The following DOK6 variants were observed in gnomAD, a reference collection of about 807,000 sequenced individuals.
DOK6 encodes downstream of tyrosine kinase 6.
Under a neutral mutation model 44.0 loss-of-function variants are expected in DOK6, and 22 were observed. That is an observed-to-expected ratio of 0.50 (90% CI 0.36 to 0.71). The LOEUF is 0.71. Ranked by LOEUF, DOK6 falls within the 30% of genes least tolerant of loss-of-function variation. DOK6 has a pLI of 0.00. For synonymous variants in DOK6, 166 were observed against 145.5 expected (o/e 1.14, Z -1.01); for missense variants, 340 against 416.4 (o/e 0.82, Z 1.60).
chr18:69,466,813 G>A (rs1030418222), intron 1 of DOK6, among the ~76,000 whole-genome samples: 2 of 151,514 alleles, frequency 1.3e-5, no homozygotes, highest in African/African-American at 4.8e-5. Flanking sequence ...GAGGAAAGAA[G>A]GAAGGAAGAA....
At chr18:69,759,266 T>G (rs1979462358) in intron 7 of DOK6, among the ~76,000 whole-genome samples, 1 of 152,214 alleles carries the variant, frequency 6.6e-6, no homozygotes, top group African/African-American at 2.4e-5. Context: ...ACACTCAAAT[T>G]GCCTGAGTCA....
intron 3 of DOK6, among the ~76,000 whole-genome samples, chr18:69,627,485 G>T (rs1470594218): frequency 6.6e-6 from 1 of 151,786 alleles, no homozygotes; most frequent in Non-Finnish European, 1.5e-5. Flanking sequence ...GTCTCGCTTT[G>T]TCCCCCAGGC....
In DOK6 at chr18:69,766,412, A is replaced by G. The variant is rs1979719014; in HGVS notation, c.856+8539A>G. ...TCTAAAAGAAAAGTCGAAATTGTTT[A>G]TTTAAAAAAGAAAATCAATGTACAA... On this transcript the variant is annotated intron_variant, in intron 7 of 7. Coordinates refer to ENST00000382713, the MANE Select transcript of DOK6 (RefSeq NM_152721.6). Among the ~76,000 whole-genome samples the G allele has an allele frequency of 2.0e-5, 3 of 152,324 alleles. No homozygotes were observed. The South Asian group carries it at 6.2e-4, about 32-fold the overall frequency.
At chr18:69,750,376 T>C (rs1376360351) in intron 6 of DOK6, among the ~76,000 whole-genome samples, 1 of 152,064 alleles carries the variant, frequency 6.6e-6, no homozygotes, top group Non-Finnish European at 1.5e-5. Flanking sequence ...TTAAATAAAA[T>C]ACCACTTTCA....
At chr18:69,707,503 G>C (rs1276462345) in intron 5 of DOK6, among the ~76,000 whole-genome samples, 4 of 152,150 alleles carry the variant, frequency 2.6e-5, no homozygotes, top group African/African-American at 4.8e-5. Flanking sequence ...TCAGTGCCCT[G>C]TATCTTAGGG....
chr18:69,696,952 T>A (rs975326578), intron 4 of DOK6, among the ~76,000 whole-genome samples: 1 of 152,210 alleles, frequency 6.6e-6, no homozygotes, highest in African/African-American at 2.4e-5. Context: ...TTGCAATTTG[T>A]CGTTTCTTAG....
At chr18:69,411,810 G>A (rs1023374079) in intron 1 of DOK6, among the ~76,000 whole-genome samples, 1 of 151,892 alleles carries the variant, frequency 6.6e-6, no homozygotes, top group African/African-American at 2.4e-5. Flanking sequence ...GTCCTTACTC[G>A]TATGTAAGGA....
intron 5 of DOK6, among the ~76,000 whole-genome samples, chr18:69,702,196 A>G (rs1032991378): frequency 1.3e-5 from 2 of 148,848 alleles, no homozygotes; most frequent in Admixed American, 6.8e-5. Context: ...AGTGGTACAC[A>G]TATCTTCATA....
intron 1 of DOK6, among the ~76,000 whole-genome samples, chr18:69,456,253 A>G (rs1036217845): frequency 6.6e-6 from 1 of 152,056 alleles, no homozygotes; most frequent in Non-Finnish European, 1.5e-5. Context: ...ACATGAGTAT[A>G]TTGCATCCTG....
intron 7 of DOK6, among the ~76,000 whole-genome samples, chr18:69,804,349 G>C (rs773843616): frequency 6.6e-6 from 1 of 152,172 alleles, no homozygotes; most frequent in African/African-American, 2.4e-5. Flanking sequence ...TTGTGCTGTT[G>C]AGGTTTAGAA....
At chr18:69,755,590 C>CT (rs1277438670) in intron 6 of DOK6, among the ~76,000 whole-genome samples, 12 of 152,318 alleles carry the variant, frequency 7.9e-5, no homozygotes, top group Middle Eastern at 3.4e-3. Flanking sequence ...AAAGTCCTAT[C>CT]TTTTCTCCTA....
intron 7 of DOK6, among the ~76,000 whole-genome samples, chr18:69,780,554 T>C (rs950389999): frequency 5.9e-5 from 9 of 152,224 alleles, no homozygotes; most frequent in African/African-American, 2.2e-4. Context: ...ATTGTGCCAC[T>C]GCACTCCAGC....
In DOK6 at chr18:69,764,565, G is replaced by T. The variant is rs552648884; in HGVS notation, c.856+6692G>T. Among the ~76,000 whole-genome samples the T allele has an allele frequency of 4.3e-4, 66 of 152,244 alleles. 3 individuals carry two copies. In the South Asian group the frequency reaches 9.1e-3, roughly 21 times the overall value. On this transcript the variant is annotated intron_variant, in intron 7 of 7. Coordinates refer to ENST00000382713, the MANE Select transcript of DOK6 (RefSeq NM_152721.6). ...TCTCTCCTGCCACCACGTGAAGAAG[G>T]ATGTGTTTGCTTCCCCTTCCGCCGG...
chr18:69,510,611 G>T (rs1428921407), intron 1 of DOK6, among the ~76,000 whole-genome samples: 1 of 152,046 alleles, frequency 6.6e-6, no homozygotes, highest in Non-Finnish European at 1.5e-5. Flanking sequence ...TGTCCAAAAT[G>T]GTCTATATAT....
intron 7 of DOK6, among the ~76,000 whole-genome samples, chr18:69,825,193 T>A (rs1216559983): frequency 1.3e-5 from 2 of 152,174 alleles, no homozygotes; most frequent in Non-Finnish European, 2.9e-5. Flanking sequence ...AAACATAAAC[T>A]GTTTCTGTCT....
At chr18:69,743,046 G>A (rs967227370) in intron 6 of DOK6, among the ~76,000 whole-genome samples, 13 of 152,196 alleles carry the variant, frequency 8.5e-5, no homozygotes, top group African/African-American at 2.9e-4. Context: ...GTGAGAATCA[G>A]AAACTGGTCT....
rs1208896601 is a variant in DOK6, at chr18:69,599,376, C to T, written c.175-8C>T. 1.3e-6 allele frequency: 2 copies of T among 1,599,308 alleles called. No homozygotes were observed. Among genetic ancestry groups the T allele is most frequent in the African/African-American group, 1.4e-5 (1 of 73,864 alleles). ...GTACACTAAGTTAAATATATTTTTT[C>T]TTTCAAGGTAACTGAACTGCACAAT... On this transcript the variant is annotated splice_region_variant and splice_polypyrimidine_tract_variant and intron_variant, in intron 2 of 7. Coordinates refer to ENST00000382713, the MANE Select transcript of DOK6 (RefSeq NM_152721.6).
intron 5 of DOK6, among the ~76,000 whole-genome samples, chr18:69,736,749 TCA>T (rs1978621639): frequency 6.6e-6 from 1 of 152,338 alleles, no homozygotes; most frequent in African/African-American, 2.4e-5. Context: ...GTTTTATATA[TCA>T]CAGTCTTAAA....
chr18:69,651,976 C>G (rs1370496704), intron 3 of DOK6, among the ~76,000 whole-genome samples: 2 of 152,090 alleles, frequency 1.3e-5, no homozygotes, highest in East Asian at 1.9e-4. Context: ...ATTTGATAAC[C>G]AAAAGAGCAA....
Sources: allele counts gnomAD v4.1 joint callset (sites outside exome capture counted in the v4.1 genomes callset), GRCh38; gene constraint gnomAD v4.1.1; transcripts MANE v1.5; gene names NCBI Gene and HGNC (gene_info 2026-07-23, HGNC 2026-07-21).